Variants in EPHA7 observed in about 807,000 individuals in gnomAD.
The protein encoded by EPHA7 is ephrin type-A receptor 7.
EPHA7 carries 25 observed loss-of-function variants against 112.6 expected under a neutral mutation model. The observed-to-expected ratio is 0.22, with a 90% CI of 0.16 to 0.31. The LOEUF (loss-of-function observed/expected upper bound fraction) is 0.31. Among genes scored for constraint, EPHA7 ranks in the 10% least tolerant of loss-of-function variants. EPHA7 has a pLI of 1.00. For missense variants in EPHA7, 962 were observed against 1,212.6 expected (o/e 0.79, Z 3.07); for synonymous variants, 437 against 406.5 (o/e 1.07, Z -0.90).
chr6:93,314,574 A>G (rs1413745095), intron 5 of EPHA7, among the ~76,000 whole-genome samples: 5 of 152,198 alleles, frequency 3.3e-5, no homozygotes, highest in Admixed American at 6.5e-5. Context: ...CACCTTACAG[A>G]CAGGACCTAC....
At position 93,248,698 on chromosome 6, in the gene EPHA7, A is replaced by AACAAACAAACAG. The variant is rs71009126; in HGVS notation, c.2533-1714_2533-1713insCTGTTTGTTTGT. Among the ~76,000 whole-genome samples the AACAAACAAACAG allele has an allele frequency of 2.7e-5, 4 of 148,650 alleles. No homozygotes were observed. In the East Asian group the frequency reaches 8.1e-4, roughly 30 times the overall value. On this transcript the variant is annotated intron_variant, in intron 14 of 16. Coordinates refer to ENST00000369303, the MANE Select transcript of EPHA7 (RefSeq NM_004440.4). ...AAACAAACAAACAAACAAACAAACAACAACAACAAAAAACGGAGTCTTGCT... is the reference window on the plus strand; with the variant it reads ...AAACAAACAAACAAACAAACAAACAAACAAACAAACAGCAACAACAAAAAACGGAGTCTTGCT...
Position 93,341,394 on chromosome 6 carries a change from C to CGT in EPHA7, c.1324+15321_1324+15322dup, listed in dbSNP as rs147645571. Among the ~76,000 whole-genome samples, 9 of 150,630 alleles carry CGT rather than the reference C, an allele frequency of 6.0e-5. No homozygotes were observed. In the East Asian group the frequency reaches 9.8e-4, roughly 16 times the overall value. On this transcript the variant is annotated intron_variant, in intron 5 of 16. Coordinates refer to ENST00000369303, the MANE Select transcript of EPHA7 (RefSeq NM_004440.4). ...ATATTTCAAACTTACTTTGAGTGTG[C>CGT]GTGTGTGTGTGTGTCAACTAAGTTG...
Position 93,350,066 on chromosome 6 carries a change from G to T in EPHA7, c.1324+6651C>A, listed in dbSNP as rs568271889. Among the ~76,000 whole-genome samples the T allele has an allele frequency of 3.0e-3, 459 of 152,068 alleles. 4 individuals are homozygous for T. The highest frequency in any genetic ancestry group is 9.9e-3 in the African/African-American group (412 of 41,538). ...TGACGCAAACCTTTATTTTGGCTGA[G>T]AAATTAGATCTGGGCATTGAAAAAC... On this transcript the variant is annotated intron_variant, in intron 5 of 16. Transcript: ENST00000369303.
intron 3 of EPHA7, among the ~76,000 whole-genome samples, chr6:93,402,240 A>G (rs1251724555): frequency 1.3e-5 from 2 of 152,020 alleles, no homozygotes; most frequent in African/African-American, 4.8e-5. Context: ...TGAAACAAGT[A>G]CCATGTTAAA....
chr6:93,357,842 C>T (rs1277843887), intron 4 of EPHA7, among the ~76,000 whole-genome samples: 2 of 151,842 alleles, frequency 1.3e-5, no homozygotes, highest in African/African-American at 2.4e-5. Flanking sequence ...TTGGTAGAGA[C>T]GGGGTTTCAC....
chr6:93,413,145 A>G (rs952655608), intron 2 of EPHA7, among the ~76,000 whole-genome samples: 4 of 151,898 alleles, frequency 2.6e-5, no homozygotes, highest in Admixed American at 2.6e-4. Context: ...TTATAGAAAT[A>G]TTTTCTCAAA....
At chr6:93,359,765 C>T (rs1776146986) in intron 3 of EPHA7, among the ~76,000 whole-genome samples, 3 of 151,698 alleles carry the variant, frequency 2.0e-5, no homozygotes, top group Admixed American at 1.3e-4. Flanking sequence ...AGTAGATTTA[C>T]ATTAACAAGA....
chr6:93,369,082 G>C (rs535655558), intron 3 of EPHA7, among the ~76,000 whole-genome samples: 22 of 150,102 alleles, frequency 1.5e-4, no homozygotes, highest in African/African-American at 5.4e-4. Flanking sequence ...ATAACAAGCA[G>C]AATAAATGCT....
At chr6:93,253,002 C>T (rs566054474) in intron 14 of EPHA7, among the ~76,000 whole-genome samples, 1 of 152,020 alleles carries the variant, frequency 6.6e-6, no homozygotes, top group South Asian at 2.1e-4. Context: ...TTTTTTTCTT[C>T]TTAACCATTT....
chr6:93,306,970 G>A (rs1013134691), intron 5 of EPHA7, among the ~76,000 whole-genome samples: 1 of 151,734 alleles, frequency 6.6e-6, no homozygotes, highest in African/African-American at 2.4e-5. Context: ...TATCATAGGG[G>A]ATTGACACAT....
chr6:93,318,241 G>C (rs1773901917), intron 5 of EPHA7, among the ~76,000 whole-genome samples: 1 of 151,840 alleles, frequency 6.6e-6, no homozygotes. Flanking sequence ...CTTTTATTTT[G>C]CCCACAAATT....
At chr6:93,311,979 A>C (rs1773564943) in intron 5 of EPHA7, among the ~76,000 whole-genome samples, 1 of 152,188 alleles carries the variant, frequency 6.6e-6, no homozygotes, top group African/African-American at 2.4e-5. Context: ...CTAAGCAGTA[A>C]GTCTCAACAG....
At chr6:93,391,610 TC>T (rs1777908106) in intron 3 of EPHA7, among the ~76,000 whole-genome samples, 1 of 151,914 alleles carries the variant, frequency 6.6e-6, no homozygotes, top group African/African-American at 2.4e-5. Flanking sequence ...CTACAGAACT[TC>T]TTGACCTGAG....
chr6:93,403,790 G>A lies in EPHA7; in HGVS notation c.832+6711C>T, dbSNP rs553261968. 2.6e-5 allele frequency among the ~76,000 whole-genome samples: 4 copies of A among 152,050 alleles called. No individual in the cohort carries two copies. In the South Asian group the frequency reaches 6.2e-4, roughly 24 times the overall value. ...TAAGAAAATATATGGTAACTACGTA[G>A]GAAAAAACAAGATAGATTAAGAACA... On this transcript the variant is annotated intron_variant, in intron 3 of 16. Coordinates refer to ENST00000369303, the MANE Select transcript of EPHA7 (RefSeq NM_004440.4).
chr6:93,370,474 A>G (rs1482237943), intron 3 of EPHA7, among the ~76,000 whole-genome samples: 2 of 152,186 alleles, frequency 1.3e-5, no homozygotes, highest in Non-Finnish European at 2.9e-5. Context: ...TAACATTTCT[A>G]TTGGAAAACA....
intron 5 of EPHA7, among the ~76,000 whole-genome samples, chr6:93,286,932 T>C (rs1239979724): frequency 6.6e-6 from 1 of 152,196 alleles, no homozygotes. Context: ...ATATGTTAAC[T>C]AGCATGAATA....
At chr6:93,243,627 G>A (rs1769778723) in intron 16 of EPHA7, 87 bp from the exon 17 acceptor site, 9 of 870,874 alleles carry the variant, frequency 1.0e-5, no homozygotes, top group South Asian at 4.1e-5. Flanking sequence ...AATTAAATAC[G>A]TTATCTTAGC....
chr6:93,371,730 T>C (rs1207524199), intron 3 of EPHA7, among the ~76,000 whole-genome samples: 1 of 152,202 alleles, frequency 6.6e-6, no homozygotes, highest in African/African-American at 2.4e-5. Flanking sequence ...ACCTCTATAT[T>C]AATGGTGCTA....
In EPHA7 at chr6:93,241,393, C is replaced by T. The variant is rs1400084706; in HGVS notation, c.*2033G>A. 2 of 211,906 alleles carry T rather than the reference C, an allele frequency of 9.4e-6. No individual in the cohort carries two copies. Among genetic ancestry groups the T allele is most frequent in the African/African-American group, 4.5e-5 (2 of 44,198 alleles). 13.1% of individuals were successfully genotyped at this position (211,906 alleles called of 1,614,324 possible). A position where few individuals can be genotyped will look rare whatever the true frequency, so the allele number is the denominator to read the frequency against. Reference sequence around the variant, plus strand: ...TAAACACTTGTACACACTGCAGACACTGAAAAATAACCCTCAAGCACATTG... The same window carrying T: ...TAAACACTTGTACACACTGCAGACATTGAAAAATAACCCTCAAGCACATTG... On this transcript the variant is annotated 3_prime_UTR_variant, in exon 17 of 17. Coordinates refer to ENST00000369303, the MANE Select transcript of EPHA7 (RefSeq NM_004440.4).
Sources: gnomAD v4.1 joint callset for allele counts (sites outside exome capture counted in the v4.1 genomes callset) on GRCh38, gnomAD v4.1.1 for gene constraint, MANE v1.5 for transcripts, NCBI Gene and HGNC (gene_info 2026-07-23, HGNC 2026-07-21) for gene names.